The following KCNB2 variants were observed in gnomAD, a reference collection of about 807,000 sequenced individuals.
KCNB2 encodes potassium voltage-gated channel subfamily B member 2, also known as delayed rectifier potassium channel protein.
In KCNB2, 15 loss-of-function variants were observed where a neutral mutation model predicts 61.5. The observed-to-expected ratio is 0.24, with a 90% confidence interval of 0.16 to 0.38. The LOEUF (loss-of-function observed/expected upper bound fraction) is 0.38, where lower values mean the gene tolerates loss of function less well. Ranked by LOEUF, KCNB2 falls within the 10% of genes least tolerant of loss-of-function variation. The pLI, the probability that KCNB2 is intolerant of heterozygous loss-of-function variation, is 1.00. For missense variants in KCNB2, 828 were observed against 1,125.2 expected, an observed-to-expected ratio of 0.74 and a Z score of 3.78; for synonymous variants, 457 against 446.0, an observed-to-expected ratio of 1.02 and a Z score of -0.31.
intron 2 of KCNB2, among the ~76,000 whole-genome samples, chr8:72,817,971 A>C (rs1425427800): frequency 6.6e-6 from 1 of 152,208 alleles, no homozygotes; most frequent in Non-Finnish European, 1.5e-5. Context: ...CAAATGGGAA[A>C]TCTGAGTTGG....
chr8:72,627,195 A>G (rs988099812), intron 2 of KCNB2, among the ~76,000 whole-genome samples: 8 of 152,324 alleles, frequency 5.3e-5, no homozygotes, highest in African/African-American at 1.4e-4. Context: ...TCACTCATTC[A>G]TGAAAGCAGA....
chr8:72,817,604 A>T (rs768052758), intron 2 of KCNB2, among the ~76,000 whole-genome samples: 64 of 152,292 alleles, frequency 4.2e-4, no homozygotes, highest in Middle Eastern at 6.8e-3. Context: ...ACCTTTCCTC[A>T]TTAAACTCTG....
chr8:72,620,300 C>T (rs539649166), intron 2 of KCNB2, among the ~76,000 whole-genome samples: 1 of 152,330 alleles, frequency 6.6e-6, no homozygotes, highest in African/African-American at 2.4e-5. Flanking sequence ...ATTGTTTCTC[C>T]AGAATCTACT....
At chr8:72,811,195 T>A (rs1291090034) in intron 2 of KCNB2, among the ~76,000 whole-genome samples, 6 of 150,302 alleles carry the variant, frequency 4.0e-5, no homozygotes, top group Non-Finnish European at 7.4e-5. Flanking sequence ...TTAAGTCAAA[T>A]TTTTAAATGG....
intron 2 of KCNB2, among the ~76,000 whole-genome samples, chr8:72,715,525 C>T (rs1807420136): frequency 6.6e-6 from 1 of 152,184 alleles, no homozygotes; most frequent in African/African-American, 2.4e-5. Flanking sequence ...AACCGCTCAA[C>T]TACATGGAAA....
intron 1 of KCNB2, among the ~76,000 whole-genome samples, chr8:72,539,972 C>T (rs1183146498): frequency 6.6e-6 from 1 of 152,148 alleles, no homozygotes; most frequent in Non-Finnish European, 1.5e-5. Context: ...GATATGGTTT[C>T]GGTCACGTTT....
At chr8:72,856,654 G>A (rs576842819) in intron 2 of KCNB2, among the ~76,000 whole-genome samples, 15 of 152,202 alleles carry the variant, frequency 9.9e-5, no homozygotes, top group South Asian at 2.1e-4. Flanking sequence ...TCAAATCAGC[G>A]TTTCCTCTGT....
intron 2 of KCNB2, among the ~76,000 whole-genome samples, chr8:72,887,508 C>T (rs75764192): frequency 0.038 from 5,815 of 152,188 alleles, 371 homozygotes; most frequent in African/African-American, 0.13. Context: ...GGCCCAGTCT[C>T]TAGCCAGGAA....
At chr8:72,544,005 A>G (rs1414093730) in intron 1 of KCNB2, among the ~76,000 whole-genome samples, 1 of 152,220 alleles carries the variant, frequency 6.6e-6, no homozygotes, top group Non-Finnish European at 1.5e-5. Flanking sequence ...GCTAAACATT[A>G]GGGACATCCT....
rs373520792 is a variant in KCNB2, at chr8:72,912,401, G to A, written c.580-23534G>A. On this transcript the variant is annotated intron_variant, in intron 2 of 2. Transcript: ENST00000523207. ...CCATTCCAACATTCATAGCCTTTAT[G>A]AGACAAGTCACAAAAAAGGTGCACA... Among the ~76,000 whole-genome samples, 21 of 151,676 alleles carry A rather than the reference G, an allele frequency of 1.4e-4. No individual in the cohort carries two copies. The East Asian group carries it at 2.7e-3, about 20-fold the overall frequency.
At chr8:72,627,880 A>C (rs1805814457) in intron 2 of KCNB2, among the ~76,000 whole-genome samples, 1 of 152,186 alleles carries the variant, frequency 6.6e-6, no homozygotes, top group Admixed American at 6.5e-5. Context: ...ATTTCTTAAC[A>C]ATTTAGCATG....
In KCNB2 at chr8:72,633,367, C is replaced by A. The variant is rs374919234; in HGVS notation, c.579+65054C>A. On this transcript the variant is annotated intron_variant, in intron 2 of 2. Coordinates refer to ENST00000523207, the MANE Select transcript of KCNB2 (RefSeq NM_004770.3). ...GGAGAACAATCTCTCCTTTTAAGGG[C>A]TCATGTGATTAGATTGGTTTCTTTT... Among the ~76,000 whole-genome samples the A allele has an allele frequency of 4.6e-5, 7 of 152,268 alleles. 1 individual carries two copies. The East Asian group carries it at 1.4e-3, about 29-fold the overall frequency.
chr8:72,811,227 A>G (rs1809301889), intron 2 of KCNB2, among the ~76,000 whole-genome samples: 1 of 150,834 alleles, frequency 6.6e-6, no homozygotes, highest in Non-Finnish European at 1.5e-5. Flanking sequence ...CTGAGATTCT[A>G]AAAGTATTTT....
intron 2 of KCNB2, among the ~76,000 whole-genome samples, chr8:72,727,556 A>G (rs1197503261): frequency 6.6e-6 from 1 of 152,212 alleles, no homozygotes; most frequent in Admixed American, 6.5e-5. Context: ...AGCCCTCAGC[A>G]TAGATAAAGT....
In KCNB2 at chr8:72,624,999, A is replaced by G. The variant is rs564852962; in HGVS notation, c.579+56686A>G. ...TCAAGATCACATACATTAGGAACTGAATTCCACCAACAAAAGCAGATCCTT... is the reference window on the plus strand; with the variant it reads ...TCAAGATCACATACATTAGGAACTGGATTCCACCAACAAAAGCAGATCCTT... On this transcript the variant is annotated intron_variant, in intron 2 of 2. Transcript: ENST00000523207. 4.8e-4 allele frequency among the ~76,000 whole-genome samples: 73 copies of G among 152,316 alleles called. No homozygotes were observed. In the South Asian group the frequency reaches 0.015, roughly 31 times the overall value.
At chr8:72,723,056 T>C (rs1778535048) in intron 2 of KCNB2, among the ~76,000 whole-genome samples, 1 of 152,266 alleles carries the variant, frequency 6.6e-6, no homozygotes, top group Non-Finnish European at 1.5e-5. Context: ...GTGCATATTC[T>C]TGCGAGAATT....
intron 2 of KCNB2, among the ~76,000 whole-genome samples, chr8:72,684,260 A>T (rs1448960131): frequency 6.6e-6 from 1 of 152,214 alleles, no homozygotes; most frequent in East Asian, 1.9e-4. Flanking sequence ...AGAAATACAA[A>T]ATAAGGTGTA....
At chr8:72,572,437 A>G (rs1460477223) in intron 2 of KCNB2, among the ~76,000 whole-genome samples, 1 of 152,142 alleles carries the variant, frequency 6.6e-6, no homozygotes, top group African/African-American at 2.4e-5. Flanking sequence ...AGGAAAGCAT[A>G]CAGGTCAAGT....
intron 2 of KCNB2, among the ~76,000 whole-genome samples, chr8:72,659,295 G>T (rs936404036): frequency 6.6e-5 from 10 of 152,156 alleles, no homozygotes; most frequent in African/African-American, 2.4e-4. Context: ...AAGAGAACAA[G>T]AATTAGAATT....
Sources: allele counts gnomAD v4.1 joint callset (sites outside exome capture counted in the v4.1 genomes callset), GRCh38; gene constraint gnomAD v4.1.1; transcripts MANE v1.5; gene names NCBI Gene and HGNC (gene_info 2026-07-23, HGNC 2026-07-21).